Variants in PDXDC1 observed in about 807,000 individuals in gnomAD.
The protein encoded by PDXDC1 is pyridoxal-dependent decarboxylase domain-containing protein 1.
In PDXDC1, 42 loss-of-function variants were observed where a neutral mutation model predicts 100.1. The ratio of observed to expected loss-of-function variants is 0.42; its 90% CI spans 0.33 to 0.54. The LOEUF (loss-of-function observed/expected upper bound fraction) is 0.54. PDXDC1 is among the 20% of genes least tolerant of loss of function. The pLI, the probability that PDXDC1 is intolerant of heterozygous loss-of-function variation, is 0.10. For missense variants in PDXDC1, 636 were observed against 979.2 expected (o/e 0.65, Z 4.68); for synonymous variants, 260 against 371.7 (o/e 0.70, Z 3.46).
At chr16:15,042,219 T>G (rs1285997894), downstream of PDXDC1, among the ~76,000 whole-genome samples, 1 of 147,930 alleles carries the variant, frequency 6.8e-6, no homozygotes, top group African/African-American at 2.5e-5. Context: ...GGAGTCTTGC[T>G]CTGTCACCCA....
chr16:15,063,504 C>G (rs576838988), intron 16 of PDXDC1, among the ~76,000 whole-genome samples: 3 of 151,862 alleles, frequency 2.0e-5, no homozygotes. Context: ...GTCAGGAGAT[C>G]GAGACCATCC....
chr16:15,095,861 G>GGTGTGTGTGTGT (rs113527217), intron 16 of PDXDC1, among the ~76,000 whole-genome samples: 8 of 134,400 alleles, frequency 6.0e-5, no homozygotes, highest in South Asian at 2.4e-4. Context: ...AAAAAAAAAA[G>GGTGTGTGTGTGT]GTGTGTGTGT....
At chr16:15,093,816 G>T (rs866415798) in intron 16 of PDXDC1, 2 of 404,288 alleles carry the variant, frequency 4.9e-6, no homozygotes, top group East Asian at 1.1e-4. Context: ...ACATAGCCCA[G>T]GGAAATCCCT....
At chr16:15,142,808 GCC>G (rs1285980081), downstream of PDXDC1, among the ~76,000 whole-genome samples, 3 of 151,590 alleles carry the variant, frequency 2.0e-5, no homozygotes, top group Admixed American at 6.6e-5. Flanking sequence ...CTGATGCCCT[GCC>G]CCCACGTTCT....
intron 16 of PDXDC1, among the ~76,000 whole-genome samples, chr16:15,083,293 G>A (rs142125183): frequency 5.3e-5 from 8 of 152,256 alleles, no homozygotes; most frequent in African/African-American, 1.7e-4. Context: ...CAGCTAATGG[G>A]GAGGCTGAGG....
intron 16 of PDXDC1, among the ~76,000 whole-genome samples, chr16:15,068,552 T>C (rs2045080513): frequency 6.6e-6 from 1 of 152,138 alleles, no homozygotes; most frequent in Non-Finnish European, 1.5e-5. Context: ...GTGAAATTCA[T>C]ATGTTTGCAA....
intron 16 of PDXDC1, among the ~76,000 whole-genome samples, chr16:15,101,114 G>A (rs2046530386): frequency 6.6e-6 from 1 of 152,140 alleles, no homozygotes; most frequent in African/African-American, 2.4e-5. Flanking sequence ...AGCTATTTTA[G>A]AGCTATCGTA....
At chr16:15,056,629 C>A (rs897146735) in intron 16 of PDXDC1, among the ~76,000 whole-genome samples, 4 of 151,840 alleles carry the variant, frequency 2.6e-5, no homozygotes, top group African/African-American at 9.7e-5. Context: ...CTCGTCTCTG[C>A]CAAAAATTTA....
downstream of PDXDC1, chr16:15,041,196 G>A (rs2043799779): frequency 3.0e-6 from 3 of 991,652 alleles, no homozygotes; most frequent in Admixed American, 5.2e-5. Flanking sequence ...TATAATAAAG[G>A]CGAAGGAGGA....
At chr16:15,092,511 T>C in intron 16 of PDXDC1, 1 of 1,604,968 alleles carries the variant, frequency 6.2e-7, no homozygotes, top group Non-Finnish European at 8.5e-7. Flanking sequence ...CCCCTTACCT[T>C]TTTGTACTTC....
At chr16:15,074,888 C>T in intron 16 of PDXDC1, 1 of 1,586,038 alleles carries the variant, frequency 6.3e-7, no homozygotes, top group Non-Finnish European at 8.6e-7. Context: ...TAAATACTAA[C>T]ATTAAAAAAT....
intron 16 of PDXDC1, among the ~76,000 whole-genome samples, chr16:15,072,075 C>T (rs573355418): frequency 2.6e-5 from 4 of 152,150 alleles, no homozygotes; most frequent in East Asian, 3.9e-4. Flanking sequence ...AGCTTCTCAC[C>T]AAAGGGTGTA....
chr16:15,025,754 G>A (rs2042548919), intron 13 of PDXDC1: 1 of 153,336 alleles, frequency 6.5e-6, no homozygotes, highest in Admixed American at 6.5e-5. Flanking sequence ...TCCCCCTCCA[G>A]GGCCACCCAC....
intron 16 of PDXDC1, among the ~76,000 whole-genome samples, chr16:15,095,944 T>A (rs2046342248): frequency 6.7e-6 from 1 of 150,216 alleles, no homozygotes; most frequent in South Asian, 2.1e-4. Context: ...CAACATATGG[T>A]GGTGCATACC....
At chr16:15,035,820 G>A (rs959843692) in intron 22 of PDXDC1, among the ~76,000 whole-genome samples, 196 bp from the exon 23 acceptor site, 1 of 152,106 alleles carries the variant, frequency 6.6e-6, no homozygotes, top group East Asian at 1.9e-4. Flanking sequence ...TGACCTTAGA[G>A]TTCCCCGGCC....
intron 16 of PDXDC1, among the ~76,000 whole-genome samples, chr16:15,066,479 A>G (rs2044978484): frequency 6.6e-6 from 1 of 151,910 alleles, no homozygotes; most frequent in Non-Finnish European, 1.5e-5. Flanking sequence ...CTAAAAATAC[A>G]AAAATTAGCT....
chr16:15,104,588 G>C (rs1377092893), intron 16 of PDXDC1: 21 of 1,599,654 alleles, frequency 1.3e-5, no homozygotes, highest in Admixed American at 3.3e-5. Flanking sequence ...GAAGGGGATA[G>C]AGCAGACACT....
intron 3 of PDXDC1, among the ~76,000 whole-genome samples, chr16:15,000,316 T>G (rs1972872207): frequency 6.6e-6 from 1 of 152,278 alleles, no homozygotes; most frequent in African/African-American, 2.4e-5. Context: ...TGCCATACCT[T>G]CACTGTCTGA....
chr16:15,010,057 A>T (rs1462770787), intron 8 of PDXDC1, among the ~76,000 whole-genome samples: 1 of 152,248 alleles, frequency 6.6e-6, no homozygotes, highest in Non-Finnish European at 1.5e-5. Context: ...ATTTTATTTT[A>T]TTTTTTTGAG....
Sources: allele counts gnomAD v4.1 joint callset (sites outside exome capture counted in the v4.1 genomes callset), GRCh38; gene constraint gnomAD v4.1.1; transcripts MANE v1.5; gene names NCBI Gene and HGNC (gene_info 2026-07-23, HGNC 2026-07-21).